SH2D4B: variants seen among roughly 807,000 people sequenced by gnomAD.
The protein encoded by SH2D4B is SH2 domain containing 4B.
Under a neutral mutation model 61.5 loss-of-function variants are expected in SH2D4B, and 45 were observed. That is an observed-to-expected ratio of 0.73 (90% CI 0.58 to 0.94). The LOEUF is 0.94. SH2D4B is among the 40% of genes least tolerant of loss of function. SH2D4B has a pLI of 0.00. For synonymous variants in SH2D4B, 224 were observed against 220.4 expected, an observed-to-expected ratio of 1.02 and a Z score of -0.14; for missense variants, 572 against 574.2, an observed-to-expected ratio of 1.00 and a Z score of 0.04.
At chr10:80,615,765 G>A (rs543161724) in intron 6 of SH2D4B, among the ~76,000 whole-genome samples, 1 of 152,332 alleles carries the variant, frequency 6.6e-6, no homozygotes, top group South Asian at 2.1e-4. Context: ...TTAAGATGGG[G>A]TTCTTGGGAT....
chr10:80,570,437 C>T (rs1329182750), intron 2 of SH2D4B, 121 bp downstream of exon 2: 1 of 1,272,602 alleles, frequency 7.9e-7, no homozygotes, highest in Non-Finnish European at 1.1e-6. Flanking sequence ...CCGGGCTGGT[C>T]TCAAACTCCT....
chr10:80,580,847 C>T (rs1842178345), intron 3 of SH2D4B, among the ~76,000 whole-genome samples: 3 of 152,248 alleles, frequency 2.0e-5, no homozygotes, highest in South Asian at 4.1e-4. Flanking sequence ...GGGCTTTGGG[C>T]AGCCAGAGCA....
chr10:80,604,855 G>C (rs1191276743), intron 5 of SH2D4B, among the ~76,000 whole-genome samples: 1 of 151,122 alleles, frequency 6.6e-6, no homozygotes, highest in Non-Finnish European at 1.5e-5. Flanking sequence ...GTGCAGTGGC[G>C]TGATCTCAGC....
intron 3 of SH2D4B, among the ~76,000 whole-genome samples, chr10:80,582,726 G>A (rs1320657120): frequency 7.9e-5 from 12 of 152,140 alleles, no homozygotes; most frequent in Non-Finnish European, 1.8e-4. Flanking sequence ...ACTCCTGAGG[G>A]GAGACTTGAG....
intron 4 of SH2D4B, among the ~76,000 whole-genome samples, chr10:80,593,223 T>C (rs1842352050): frequency 6.6e-6 from 1 of 152,222 alleles, no homozygotes; most frequent in Non-Finnish European, 1.5e-5. Flanking sequence ...AGCTTGTCAA[T>C]TGTTGCAATA....
At chr10:80,574,599 C>A (rs1842101868) in intron 3 of SH2D4B, among the ~76,000 whole-genome samples, 1 of 152,180 alleles carries the variant, frequency 6.6e-6, no homozygotes. Context: ...GGCCAGATGG[C>A]CCTAGTGATC....
chr10:80,565,812 C>T (rs1258870949), intron 1 of SH2D4B, among the ~76,000 whole-genome samples: 2 of 151,900 alleles, frequency 1.3e-5, no homozygotes, highest in African/African-American at 4.8e-5. Context: ...GAAGAGTGGC[C>T]GGGCGTGGTG....
chr10:80,637,648 T>C (rs1421642282), intron 7 of SH2D4B, among the ~76,000 whole-genome samples: 1 of 152,240 alleles, frequency 6.6e-6, no homozygotes, highest in Non-Finnish European at 1.5e-5. Context: ...ATCCTGAGAC[T>C]TTGCTGAAGT....
intron 6 of SH2D4B, among the ~76,000 whole-genome samples, chr10:80,614,353 G>A (rs554751352): frequency 5.9e-5 from 9 of 152,268 alleles, no homozygotes; most frequent in Middle Eastern, 3.4e-3. Flanking sequence ...GTAGTGGCAG[G>A]TGCCACACAC....
At chr10:80,633,665 A>G (rs1013555345) in intron 6 of SH2D4B, among the ~76,000 whole-genome samples, 3 of 152,222 alleles carry the variant, frequency 2.0e-5, no homozygotes, top group Non-Finnish European at 4.4e-5. Context: ...AGAATTCCAA[A>G]TTGTGATGAA....
intron 1 of SH2D4B, among the ~76,000 whole-genome samples, chr10:80,560,266 C>T (rs560934455): frequency 5.9e-5 from 9 of 152,020 alleles, no homozygotes; most frequent in East Asian, 5.8e-4. Flanking sequence ...GGATTACAGG[C>T]GTGAGCCACC....
intron 6 of SH2D4B, among the ~76,000 whole-genome samples, chr10:80,620,967 C>T (rs894643700): frequency 2.6e-5 from 4 of 152,174 alleles, no homozygotes; most frequent in African/African-American, 9.7e-5. Context: ...TCTCATAGAT[C>T]TTATGTTTGC....
chr10:80,634,076 G>A (rs372963136), intron 6 of SH2D4B, among the ~76,000 whole-genome samples: 11 of 152,164 alleles, frequency 7.2e-5, no homozygotes, highest in Non-Finnish European at 1.2e-4. Context: ...CCAGGCTCAC[G>A]GCGGGTGGCG....
rs143485333 is a variant in SH2D4B, at chr10:80,596,788, G to T, written c.644-6791G>T. 5.0e-3 allele frequency among the ~76,000 whole-genome samples: 768 copies of T among 152,252 alleles called. 4 individuals carry two copies. The highest frequency in any genetic ancestry group is 0.013 in the African/African-American group (556 of 41,552). The stretch of plus-strand genomic sequence containing the variant: ...CTTTACTGAAGTTCAGTGCTGGTGC[G>T]TAGCTCAACATTGATCTTACTCGCA... On this transcript the variant is annotated intron_variant, in intron 4 of 7. Transcript: ENST00000646907.
At chr10:80,619,094 C>T (rs150698824) in intron 6 of SH2D4B, among the ~76,000 whole-genome samples, 89 of 152,084 alleles carry the variant, frequency 5.9e-4, no homozygotes, top group Middle Eastern at 3.4e-3. Flanking sequence ...TTCAGGGAGA[C>T]GAATAGGGGA....
intron 1 of SH2D4B, among the ~76,000 whole-genome samples, chr10:80,569,758 T>C (rs1842015734): frequency 6.6e-6 from 1 of 152,160 alleles, no homozygotes; most frequent in Non-Finnish European, 1.5e-5. Context: ...ATACACTAAA[T>C]TCCTCCCATT....
chr10:80,611,162 C>G (rs983295752), intron 6 of SH2D4B, among the ~76,000 whole-genome samples: 2 of 111,376 alleles, frequency 1.8e-5, no homozygotes, highest in Non-Finnish European at 3.3e-5. Context: ...GCAACCAGAG[C>G]GAGACTCAGT....
intron 1 of SH2D4B, among the ~76,000 whole-genome samples, chr10:80,546,526 ATT>A (rs61475653): frequency 0.24 from 33,390 of 138,014 alleles, 4,196 homozygotes; most frequent in African/African-American, 0.4. Flanking sequence ...AGCATACGGT[ATT>A]TTTTTTTTTT....
In SH2D4B at chr10:80,608,402, C is replaced by T. The variant is rs566874074; in HGVS notation, c.861-1022C>T. 5.3e-5 allele frequency among the ~76,000 whole-genome samples: 8 copies of T among 152,246 alleles called. No homozygotes were observed. The South Asian group carries it at 6.2e-4, about 12-fold the overall frequency. On this transcript the variant is annotated intron_variant, in intron 5 of 7. Transcript: ENST00000646907. ...GATTACAGGCGTGAGCCACCGCGCC[C>T]GGCCCAGATGCTGTATTTTTGTGCC...
Sources: gnomAD v4.1 joint callset for allele counts (sites outside exome capture counted in the v4.1 genomes callset) on GRCh38, gnomAD v4.1.1 for gene constraint, MANE v1.5 for transcripts, NCBI Gene and HGNC (gene_info 2026-07-23, HGNC 2026-07-21) for gene names.